The following HIBADH variants were observed in gnomAD, a reference collection of about 807,000 sequenced individuals.
HIBADH encodes the protein 3-hydroxyisobutyrate dehydrogenase, mitochondrial.
Under a neutral mutation model 36.1 loss-of-function variants are expected in HIBADH, and 25 were observed. The ratio of observed to expected loss-of-function variants is 0.69; its 90% CI spans 0.50 to 0.97. HIBADH has a LOEUF of 0.97. HIBADH is among the 50% of genes least tolerant of loss of function. HIBADH has a pLI of 0.00. For synonymous variants in HIBADH, 160 were observed against 149.5 expected (o/e 1.07, Z -0.51); for missense variants, 421 against 418.0 (o/e 1.01, Z -0.06).
chr7:27,605,133 T>C (rs1040908352), intron 4 of HIBADH, among the ~76,000 whole-genome samples: 1 of 152,148 alleles, frequency 6.6e-6, no homozygotes, highest in Admixed American at 6.5e-5. Flanking sequence ...TATTAACTTA[T>C]ATTTATGGGT....
At chr7:27,566,693 T>C (rs1583572850) in intron 4 of HIBADH, among the ~76,000 whole-genome samples, 2 of 152,170 alleles carry the variant, frequency 1.3e-5, no homozygotes, top group East Asian at 1.9e-4. Context: ...ATAAATTTCC[T>C]TCCAAGCACT....
intron 2 of HIBADH, among the ~76,000 whole-genome samples, chr7:27,648,449 C>T (rs1786117267): frequency 6.6e-6 from 1 of 152,184 alleles, no homozygotes; most frequent in African/African-American, 2.4e-5. Context: ...AAAATGGCTT[C>T]TAAGTTACCT....
chr7:27,596,905 T>C (rs1231935230), intron 4 of HIBADH, among the ~76,000 whole-genome samples: 2 of 152,284 alleles, frequency 1.3e-5, no homozygotes, highest in South Asian at 2.1e-4. Context: ...TCAAGCTGTA[T>C]ATATGAAAAG....
chr7:27,649,041 C>T (rs1017497288), intron 2 of HIBADH, among the ~76,000 whole-genome samples: 2 of 152,128 alleles, frequency 1.3e-5, no homozygotes, highest in East Asian at 1.9e-4. Context: ...TGTAACTTGC[C>T]CCCAGTAAGA....
chr7:27,544,997 A>G (rs1784215431), intron 4 of HIBADH, among the ~76,000 whole-genome samples: 1 of 152,244 alleles, frequency 6.6e-6, no homozygotes, highest in South Asian at 2.1e-4. Context: ...TATCATAATT[A>G]TTTCCGACTT....
chr7:27,543,773 CAAG>C (rs774925285), intron 4 of HIBADH, among the ~76,000 whole-genome samples: 13 of 152,208 alleles, frequency 8.5e-5, no homozygotes, highest in Non-Finnish European at 1.2e-4. Flanking sequence ...GTGATATGAG[CAAG>C]AAGAAGAAAT....
intron 2 of HIBADH, among the ~76,000 whole-genome samples, chr7:27,638,683 T>C: frequency 6.6e-6 from 1 of 151,500 alleles, no homozygotes; most frequent in East Asian, 1.9e-4. Flanking sequence ...AGAAAATGTT[T>C]GCAAACTATG....
intron 2 of HIBADH, 30 bp downstream of exon 2, chr7:27,649,443 T>G: frequency 1.3e-6 from 2 of 1,546,304 alleles, no homozygotes; most frequent in Non-Finnish European, 1.8e-6. Context: ...ATTCTCAAAA[T>G]CTAAAACAAA....
intron 5 of HIBADH, among the ~76,000 whole-genome samples, chr7:27,541,499 G>A (rs1024358434): frequency 1.3e-5 from 2 of 152,184 alleles, no homozygotes; most frequent in African/African-American, 4.8e-5. Context: ...TGCAAAAAGT[G>A]CAAGCCTGCT....
chr7:27,652,833 G>C (rs754972422), intron 1 of HIBADH, among the ~76,000 whole-genome samples: 8 of 152,130 alleles, frequency 5.3e-5, no homozygotes, highest in Non-Finnish European at 8.8e-5. Flanking sequence ...ATTATATTGA[G>C]GGTTAGGAAT....
chr7:27,535,594 A>G (rs17607155), intron 6 of HIBADH, among the ~76,000 whole-genome samples: 16,029 of 152,128 alleles, frequency 0.11, 1,022 homozygotes, highest in Non-Finnish European at 0.14. Context: ...TGTTATTTCT[A>G]TGTGATACAC....
intron 6 of HIBADH, among the ~76,000 whole-genome samples, chr7:27,533,527 T>A (rs1294657820): frequency 6.6e-6 from 1 of 152,120 alleles, no homozygotes; most frequent in Non-Finnish European, 1.5e-5. Flanking sequence ...TTAGAAGTGT[T>A]TTGCATTTCA....
rs1276674536 is a variant in HIBADH at position 27,635,138 on chromosome 7, T to C, written c.253-2693A>G. Among the ~76,000 whole-genome samples, 18 of 151,520 alleles carry C rather than the reference T, an allele frequency of 1.2e-4. 1 individual carries two copies. The highest frequency in any genetic ancestry group is 2.6e-4 in the Non-Finnish European group (18 of 67,966). ...TTTGGTACATCCTAACAGTCTCTAA[T>C]TTGTACTACAAAGGCATGTTTATCA... On this transcript the variant is annotated intron_variant, in intron 2 of 7. Transcript: ENST00000265395.
In HIBADH at chr7:27,543,062, C is replaced by T. The variant is rs765964510; in HGVS notation, c.523G>A (p.Val175Met). ...GCAAATTCATCTTCAACTCCTCCCA[C>T]CATAAACGTGAGGTTCCCAGATCGT... Reference protein sequence around the residue: ...AARSGNLTFMVGGVEDEFAAA... With the variant: ...AARSGNLTFMMGGVEDEFAAA... Residue 175 changes from valine to methionine, a missense_variant, in exon 5 of 8, where the codon GTG becomes ATG. Physicochemically the swap from Val to Met is conservative, Grantham distance 21. Transcript: ENST00000265395. The T allele has an allele frequency of 1.2e-6, 2 of 1,613,736 alleles. No individual in the cohort carries two copies. The highest frequency in any genetic ancestry group is 2.2e-5 in the South Asian group (2 of 91,064).
chr7:27,652,714 AG>A (rs1356620064), intron 1 of HIBADH, among the ~76,000 whole-genome samples: 1 of 152,238 alleles, frequency 6.6e-6, no homozygotes, highest in Non-Finnish European at 1.5e-5. Flanking sequence ...GGTAGAGAGC[AG>A]AAAGAGAAGC....
chr7:27,565,791 A>G (rs1044620798), intron 4 of HIBADH, among the ~76,000 whole-genome samples: 2 of 152,142 alleles, frequency 1.3e-5, no homozygotes, highest in African/African-American at 2.4e-5. Context: ...GTTTTAGTAC[A>G]TGCCTTTATC....
intron 2 of HIBADH, among the ~76,000 whole-genome samples, chr7:27,638,327 A>AAAAC (rs1249118437): frequency 8.9e-6 from 1 of 112,896 alleles, no homozygotes; most frequent in African/African-American, 2.9e-5. Flanking sequence ...AAAAAAAAAA[A>AAAAC]AAACAAGCAA....
At chr7:27,554,616 G>T (rs1784365390) in intron 4 of HIBADH, among the ~76,000 whole-genome samples, 1 of 152,124 alleles carries the variant, frequency 6.6e-6, no homozygotes, top group South Asian at 2.1e-4. Context: ...AAAGAGAACT[G>T]ATTATTCACA....
intron 7 of HIBADH, among the ~76,000 whole-genome samples, chr7:27,530,228 C>T (rs1010346201): frequency 7.3e-5 from 11 of 151,442 alleles, no homozygotes; most frequent in East Asian, 3.9e-4. Flanking sequence ...CTATTTGAGA[C>T]GAAGTCTCAC....
Sources: allele counts gnomAD v4.1 joint callset (sites outside exome capture counted in the v4.1 genomes callset), GRCh38; gene constraint gnomAD v4.1.1; transcripts MANE v1.5; gene names NCBI Gene and HGNC (gene_info 2026-07-23, HGNC 2026-07-21).